Variants in NDUFA5 observed in about 807,000 individuals in gnomAD.
NDUFA5 encodes the protein NADH dehydrogenase [ubiquinone] 1 alpha subcomplex subunit 5.
In NDUFA5, 11 loss-of-function variants were observed where a neutral mutation model predicts 19.8. The observed-to-expected ratio is 0.56, with a 90% CI of 0.35 to 0.92. NDUFA5 has a LOEUF of 0.92. Ranked by LOEUF, NDUFA5 falls within the 40% of genes least tolerant of loss-of-function variation. NDUFA5 has a pLI of 0.01. For synonymous variants in NDUFA5, 47 were observed against 46.8 expected (o/e 1.00, Z -0.01); for missense variants, 109 against 134.2 (o/e 0.81, Z 0.93).
chr7:123,589,301 T>TTTATTATTA, the NDUFA5 span, among the ~76,000 whole-genome samples: 3,476 of 147,450 alleles, frequency 0.024, 130 homozygotes, highest in African/African-American at 0.081. Flanking sequence ...CTTTCATCTC[T>TTTATTATTA]TTATTATTAT....
chr7:123,554,508 T>C (rs1562898531), intron 2 of NDUFA5, among the ~76,000 whole-genome samples: 1 of 151,966 alleles, frequency 6.6e-6, no homozygotes, highest in Admixed American at 6.6e-5. Flanking sequence ...AGTTTTAAAC[T>C]ATGTGCCGTT....
chr7:123,598,430 C>G, the NDUFA5 span, among the ~76,000 whole-genome samples: 1 of 152,116 alleles, frequency 6.6e-6, no homozygotes, highest in African/African-American at 2.4e-5. Context: ...CCTTTTAATC[C>G]AAGTTTGTTT....
At chr7:123,573,355 T>C in the NDUFA5 span, among the ~76,000 whole-genome samples, 3 of 147,990 alleles carry the variant, frequency 2.0e-5, no homozygotes, top group African/African-American at 5.0e-5. Context: ...GTAAGTGGAA[T>C]CTTCTTTCTT....
At chr7:123,574,430 C>A in the NDUFA5 span, among the ~76,000 whole-genome samples, 1 of 152,044 alleles carries the variant, frequency 6.6e-6, no homozygotes, top group East Asian at 1.9e-4. Flanking sequence ...ATCCCCAGGC[C>A]CCCAGTTTGT....
intron 4 of NDUFA5, among the ~76,000 whole-genome samples, chr7:123,544,585 T>C (rs1341458445): frequency 1.3e-5 from 2 of 151,014 alleles, no homozygotes; most frequent in Admixed American, 6.6e-5. Flanking sequence ...AGAAAAAGTA[T>C]GTGCAGACAA....
Position 123,544,500 on chromosome 7 carries a change from A to C in NDUFA5, c.249+1111T>G, listed in dbSNP as rs1224739498. On this transcript the variant is annotated intron_variant, in intron 4 of 4. Transcript: ENST00000355749. ...GCAACAAGAGCAAAACTCCATCTCA[A>C]AAAAAAAAAAAAAAAAAAAATTGAA... Among the ~76,000 whole-genome samples the C allele has an allele frequency of 1.5e-4, 11 of 74,600 alleles. No individual in the cohort carries two copies. In the East Asian group the frequency reaches 3.8e-3, roughly 26 times the overall value. 48.9% of individuals were successfully genotyped at this position (74,600 alleles called of 152,430 possible). A position where few individuals can be genotyped will look rare whatever the true frequency, so the allele number is the denominator to read the frequency against.
chr7:123,577,917 A>T, the NDUFA5 span, among the ~76,000 whole-genome samples: 1 of 151,870 alleles, frequency 6.6e-6, no homozygotes, highest in African/African-American at 2.4e-5. Flanking sequence ...TTATACTTTA[A>T]GTTCCGGGAT....
At chr7:123,560,254 C>G (rs1325097595), upstream of NDUFA5, among the ~76,000 whole-genome samples, 1 of 152,146 alleles carries the variant, frequency 6.6e-6, no homozygotes, top group Non-Finnish European at 1.5e-5. Context: ...TTCTTTTCTG[C>G]TAAGATCATT....
the NDUFA5 span, among the ~76,000 whole-genome samples, chr7:123,584,681 T>C: frequency 9.9e-5 from 15 of 151,980 alleles, no homozygotes; most frequent in South Asian, 1.7e-3. Context: ...AAAATAAATA[T>C]ACAAAGACTG....
the NDUFA5 span, among the ~76,000 whole-genome samples, chr7:123,563,439 A>G: frequency 1.1e-4 from 16 of 152,316 alleles, no homozygotes; most frequent in African/African-American, 3.6e-4. Context: ...CAGAACACAA[A>G]TAACATTTAA....
the NDUFA5 span, among the ~76,000 whole-genome samples, chr7:123,564,365 C>T: frequency 3.3e-5 from 5 of 152,156 alleles, no homozygotes; most frequent in Non-Finnish European, 7.4e-5. Flanking sequence ...CAAAATTCTC[C>T]CATGATTTTT....
At chr7:123,597,918 G>GTGTGTGTGTGTA in the NDUFA5 span, among the ~76,000 whole-genome samples, 1,961 of 13,618 alleles carry the variant, frequency 0.14, 26 homozygotes, top group Non-Finnish European at 0.16. Context: ...TTCAAACTTC[G>GTGTGTGTGTGTA]TGTGTGTGTG....
the NDUFA5 span, among the ~76,000 whole-genome samples, chr7:123,573,168 TAG>T: frequency 6.6e-6 from 1 of 152,080 alleles, no homozygotes; most frequent in Non-Finnish European, 1.5e-5. Context: ...TATGTAAAAA[TAG>T]AGATTTTTCT....
the NDUFA5 span, among the ~76,000 whole-genome samples, chr7:123,591,730 T>A: frequency 6.6e-6 from 1 of 152,196 alleles, no homozygotes; most frequent in Non-Finnish European, 1.5e-5. Context: ...TTCACATCGA[T>A]GTTCATCAGG....
upstream of NDUFA5, chr7:123,558,111 A>T: frequency 4.1e-6 from 2 of 489,198 alleles, no homozygotes; most frequent in Non-Finnish European, 7.4e-6. Context: ...CTACCAAAAA[A>T]CTCCAGTCGC....
chr7:123,600,605 T>C, the NDUFA5 span, among the ~76,000 whole-genome samples: 1 of 152,236 alleles, frequency 6.6e-6, no homozygotes, highest in Non-Finnish European at 1.5e-5. Flanking sequence ...TGATAAAATG[T>C]AGACAATGTA....
the NDUFA5 span, among the ~76,000 whole-genome samples, chr7:123,579,208 A>G: frequency 6.6e-6 from 1 of 152,178 alleles, no homozygotes; most frequent in Non-Finnish European, 1.5e-5. Flanking sequence ...AGCTGTATCC[A>G]TGTTGCTGAA....
At chr7:123,547,405 T>C (rs1475856569) in intron 3 of NDUFA5, among the ~76,000 whole-genome samples, 1 of 152,164 alleles carries the variant, frequency 6.6e-6, no homozygotes, top group Non-Finnish European at 1.5e-5. Context: ...ACTTTTTTTT[T>C]TTCTTTTGGT....
At chr7:123,556,475 A>C (rs903345100) in intron 2 of NDUFA5, 7 of 167,972 alleles carry the variant, frequency 4.2e-5, no homozygotes, top group African/African-American at 1.7e-4. Flanking sequence ...ACTAACTCAA[A>C]TTTTAAAAGT....
Sources: allele counts gnomAD v4.1 joint callset (sites outside exome capture counted in the v4.1 genomes callset), GRCh38; gene constraint gnomAD v4.1.1; transcripts MANE v1.5; gene names NCBI Gene and HGNC (gene_info 2026-07-23, HGNC 2026-07-21).